GPR137: variants seen among roughly 807,000 people sequenced by gnomAD.
GPR137 encodes G protein-coupled receptor 137, also known as integral membrane protein GPR137.
GPR137 carries 20 observed loss-of-function variants against 38.9 expected under a neutral mutation model. The observed-to-expected ratio is 0.51, with a 90% CI of 0.36 to 0.75. The LOEUF is 0.75. Ranked by LOEUF, GPR137 falls within the 30% of genes least tolerant of loss-of-function variation. GPR137 has a pLI of 0.00. For missense variants in GPR137, 456 were observed against 526.4 expected (o/e 0.87, Z 1.31); for synonymous variants, 226 against 235.8 (o/e 0.96, Z 0.38).
In GPR137 at chr11:64,288,996, C is replaced by G; in HGVS notation, c.1032-41C>G. 6.7e-7 allele frequency: 1 copy of G among 1,484,500 alleles called. No individual in the cohort carries two copies. Among genetic ancestry groups the G allele is most frequent in the African/African-American group, 1.4e-5 (1 of 72,004 alleles). 92.0% of individuals were successfully genotyped at this position (1,484,500 alleles called of 1,614,324 possible). ...TCCTGCAGCTCTTGTGACTGTGGCCCTGGTCACTGTCCTGAGACTGACCCT... is the reference window on the plus strand; with the variant it reads ...TCCTGCAGCTCTTGTGACTGTGGCCGTGGTCACTGTCCTGAGACTGACCCT... On this transcript the variant is annotated intron_variant, in intron 6 of 6. Coordinates refer to ENST00000438980, the MANE Select transcript of GPR137 (RefSeq NM_001170880.2). The surrounding 1 kb of genome is among the most constrained non-coding windows in gnomAD (Gnocchi z 5.5).
chr11:64,281,703 C>G (rs879673973), upstream of GPR137, among the ~76,000 whole-genome samples: 59 of 152,328 alleles, frequency 3.9e-4, 1 homozygote, highest in Admixed American at 3.2e-3. Flanking sequence ...TCACTCCCCC[C>G]GCCCCTGTGA....
chr11:64,276,582 C>A (rs956617756), intron 2 of GPR137, among the ~76,000 whole-genome samples: 2 of 152,298 alleles, frequency 1.3e-5, no homozygotes, highest in South Asian at 2.1e-4. Context: ...GTGCCTCGGC[C>A]CCCCAAAGTG....
At chr11:64,280,856 C>G (rs908485934), upstream of GPR137, among the ~76,000 whole-genome samples, 8 of 150,394 alleles carry the variant, frequency 5.3e-5, no homozygotes, top group South Asian at 2.1e-4. Context: ...GTAGTAGAGA[C>G]AGGATTTCAC....
intron 2 of GPR137, among the ~76,000 whole-genome samples, chr11:64,277,715 AG>A (rs1048187236): frequency 1.3e-5 from 2 of 152,174 alleles, no homozygotes; most frequent in African/African-American, 4.8e-5. Context: ...CTGGGATTAC[AG>A]GTATGAAAGG....
chr11:64,284,283 T>C (rs1335091710), upstream of GPR137: 1 of 1,611,820 alleles, frequency 6.2e-7, no homozygotes, highest in South Asian at 1.1e-5. Flanking sequence ...TGAGGGCCCG[T>C]CCCCTGCGGG....
intron 2 of GPR137, 173 bp downstream of exon 2, chr11:64,287,187 A>G: frequency 3.0e-6 from 3 of 985,362 alleles, no homozygotes; most frequent in Non-Finnish European, 3.6e-6. Context: ...GAGGCCTTGC[A>G]GATCTGCAAG....
rs779812978 is a variant in GPR137 at position 64,287,676 on chromosome 11, GC to G, written c.408-44del. On this transcript the variant is annotated intron_variant, in intron 2 of 6. Coordinates refer to ENST00000438980, the MANE Select transcript of GPR137 (RefSeq NM_001170880.2). ...GCAGGAGGTGGGGCAGGTGGTGAGT[GC>G]TGAGGGCTGTTGAGGGCCCGCGCTG... is the stretch of plus-strand genomic sequence containing the variant. 5.6e-6 allele frequency: 9 copies of G among 1,597,826 alleles called. No homozygotes were observed. The Admixed American group carries it at 6.7e-5, about 12-fold the overall frequency.
chr11:64,286,911 G>T, intron 1 of GPR137, 30 bp downstream of exon 1: 1 of 1,547,122 alleles, frequency 6.5e-7, no homozygotes, highest in Non-Finnish European at 8.9e-7. Context: ...GGTGGGGGGC[G>T]GGAGGTGGCA....
upstream of GPR137, among the ~76,000 whole-genome samples, chr11:64,282,063 G>A (rs1208243003): frequency 6.6e-6 from 1 of 152,094 alleles, no homozygotes; most frequent in Non-Finnish European, 1.5e-5. Flanking sequence ...ATCTTCTCAC[G>A]CATGATAGGA....
chr11:64,280,335 T>TAAA (rs1394429601), upstream of GPR137, among the ~76,000 whole-genome samples: 1 of 129,420 alleles, frequency 7.7e-6, no homozygotes, highest in Non-Finnish European at 1.6e-5. Context: ...TAAAATAAAA[T>TAAA]AATAATAATA....
upstream of GPR137, among the ~76,000 whole-genome samples, chr11:64,282,817 T>G (rs1182904530): frequency 1.4e-5 from 2 of 147,550 alleles, no homozygotes; most frequent in African/African-American, 5.1e-5. Flanking sequence ...AGGCAGAGGT[T>G]GCAGTGAGCC....
At position 64,286,514 on chromosome 11, in the gene GPR137, C is replaced by T. The variant is rs1465136267; in HGVS notation, c.-11C>T. On this transcript the variant is annotated 5_prime_UTR_variant, in exon 1 of 7. Transcript: ENST00000438980. ...TTGTCTGTCTCCGGGATTCAGGCCT[C>T]CCTCCCTGACATGGAGAGTAACCTG... 5.6e-6 allele frequency: 9 copies of T among 1,599,766 alleles called. No homozygotes were observed. The highest frequency in any genetic ancestry group is 7.7e-6 in the Non-Finnish European group (9 of 1,172,312).
upstream of GPR137, chr11:64,285,508 G>T (rs1385692768): frequency 8.1e-6 from 8 of 985,084 alleles, no homozygotes; most frequent in African/African-American, 1.7e-5. Flanking sequence ...TTTCTTCAGA[G>T]ACCGAGGGAC....
chr11:64,285,282 G>A (rs1426047384), upstream of GPR137: 1 of 985,868 alleles, frequency 1.0e-6, no homozygotes, highest in Non-Finnish European at 1.2e-6. Context: ...CTCCTCCCTG[G>A]CTGGGATGGC....
chr11:64,276,793 G>A, intron 2 of GPR137: 1 of 635,580 alleles, frequency 1.6e-6, no homozygotes, highest in Non-Finnish European at 2.9e-6. Context: ...ACGTGGGTGG[G>A]TGCCCAGGCC....
exon 1 of GPR137, chr11:64,270,545 C>T (rs1487627458): frequency 2.7e-6 from 2 of 746,632 alleles, no homozygotes; most frequent in Non-Finnish European, 4.6e-6. Context: ...CCCAGGAACT[C>T]CGTGCCGGAG....
At chr11:64,274,205 G>C (rs1049404529), upstream of GPR137, among the ~76,000 whole-genome samples, 2 of 149,134 alleles carry the variant, frequency 1.3e-5, no homozygotes, top group Non-Finnish European at 3.0e-5. Context: ...ATCCTAACAC[G>C]GTGAAACCCC....
upstream of GPR137, chr11:64,271,851 TAA>T (rs1444008120): frequency 5.3e-6 from 7 of 1,323,310 alleles, no homozygotes; most frequent in Non-Finnish European, 6.8e-6. Context: ...TCAGCTCCTC[TAA>T]GCCCCTGGCC....
chr11:64,288,357 C>G lies in GPR137; in HGVS notation c.801C>G (p.Asp267Glu), dbSNP rs759833031. The change falls in exon 5 of 7, where the codon GAC (aspartate) becomes GAG (glutamate). Residue 267 changes from aspartate to glutamate, a missense_variant. Transcript: ENST00000438980. This position sits in a 1 kb window ranked among gnomAD's most constrained non-coding sequence, Gnocchi z 5.5. ...NVSDQADLVN[D>E]LGNKGYLVFG... is the part of the protein sequence containing the mutation. Reference sequence around the variant, plus strand: ...TCCCACAGGCGGACCTGGTGAATGACCTGGGGAACAAAGGCTACCTGGTAT... The same window carrying G: ...TCCCACAGGCGGACCTGGTGAATGAGCTGGGGAACAAAGGCTACCTGGTAT... 15 of 1,613,886 alleles carry G rather than the reference C, an allele frequency of 9.3e-6. No homozygotes were observed. The South Asian group carries it at 1.5e-4, about 17-fold the overall frequency.
Sources: allele counts gnomAD v4.1 joint callset (sites outside exome capture counted in the v4.1 genomes callset), GRCh38; gene constraint gnomAD v4.1.1; non-coding constraint Gnocchi (gnomAD v3.1); transcripts MANE v1.5; gene names NCBI Gene and HGNC (gene_info 2026-07-23, HGNC 2026-07-21).